PCDH15: variants seen among roughly 807,000 people sequenced by gnomAD.
PCDH15 encodes protocadherin-15.
In PCDH15, 129 loss-of-function variants were observed where a neutral mutation model predicts 178.5. That is an observed-to-expected ratio of 0.72 (90% CI 0.63 to 0.84). The LOEUF (loss-of-function observed/expected upper bound fraction) is 0.84. PCDH15 is among the 40% of genes least tolerant of loss of function. The pLI is 0.00. For synonymous variants in PCDH15, 800 were observed against 732.0 expected (o/e 1.09, Z -1.50); for missense variants, 2,230 against 2,099.9 (o/e 1.06, Z -1.21).
At chr10:55,287,654 A>G (rs1159541197) in intron 1 of PCDH15, among the ~76,000 whole-genome samples, 1 of 151,848 alleles carries the variant, frequency 6.6e-6, no homozygotes, top group Non-Finnish European at 1.5e-5. Context: ...GAAAATATTA[A>G]GTCAGCTTTT....
At chr10:55,594,020 C>T (rs1258865505) in intron 2 of PCDH15, among the ~76,000 whole-genome samples, 1 of 151,678 alleles carries the variant, frequency 6.6e-6, no homozygotes, top group Non-Finnish European at 1.5e-5. Context: ...GTGCTTGTGT[C>T]CTAAACTGAA....
chr10:54,062,227 C>CAAAAAAAAAAAAAAAA (rs72361686), intron 18 of PCDH15, among the ~76,000 whole-genome samples: 31 of 53,804 alleles, frequency 5.8e-4, no homozygotes, highest in Admixed American at 9.7e-4. Flanking sequence ...GATTCTGTCT[C>CAAAAAAAAAAAAAAAA]AAAAAAAAAA....
At chr10:54,538,075 T>C (rs1377140854) in intron 2 of PCDH15, among the ~76,000 whole-genome samples, 2 of 152,238 alleles carry the variant, frequency 1.3e-5, no homozygotes, top group African/African-American at 2.4e-5. Context: ...GTATTTTTAC[T>C]CTGTTAATAG....
At chr10:53,972,542 G>A (rs1299061533) in intron 21 of PCDH15, among the ~76,000 whole-genome samples, 3 of 152,142 alleles carry the variant, frequency 2.0e-5, no homozygotes, top group African/African-American at 7.2e-5. Flanking sequence ...CTACCCATCT[G>A]ACAAAAGGGC....
intron 2 of PCDH15, among the ~76,000 whole-genome samples, chr10:55,061,753 G>C (rs1271009412): frequency 6.6e-6 from 1 of 152,196 alleles, no homozygotes; most frequent in Non-Finnish European, 1.5e-5. Flanking sequence ...AGATGCGGTG[G>C]CTTACGCCTG....
At position 54,134,961 on chromosome 10, in the gene PCDH15, C is replaced by A. The variant is rs181643309; in HGVS notation, c.1785-1954G>T. On this transcript the variant is annotated intron_variant, in intron 14 of 37. Coordinates refer to ENST00000644397, the MANE Select transcript of PCDH15 (RefSeq NM_001384140.1). ...GTGGCTCATGCCTGTAATCTTAGCA[C>A]TTTTGGAGGCCAAGGTGAGCGATCA... 1.7e-3 allele frequency among the ~76,000 whole-genome samples: 258 copies of A among 151,544 alleles called. 1 individual carries two copies. The highest frequency in any genetic ancestry group is 3.0e-3 in the Non-Finnish European group (202 of 67,914).
intron 18 of PCDH15, among the ~76,000 whole-genome samples, chr10:54,048,342 C>T (rs2093697589): frequency 6.6e-6 from 1 of 152,078 alleles, no homozygotes; most frequent in East Asian, 1.9e-4. Context: ...TATTTTCTCC[C>T]ATTCTGTAGG....
rs558957617 is a variant in PCDH15 at position 54,432,094 on chromosome 10, T to G, written c.158-53152A>C. On this transcript the variant is annotated intron_variant, in intron 3 of 37. Transcript: ENST00000644397. ...ATACAAAGAATAAAATGGAAAGATA[T>G]TCCATGTTCATAGGTTGGAAGAATA... Among the ~76,000 whole-genome samples the G allele has an allele frequency of 2.0e-5, 3 of 152,096 alleles. No individual in the cohort carries two copies. In the South Asian group the frequency reaches 6.2e-4, roughly 31 times the overall value.
intron 2 of PCDH15, among the ~76,000 whole-genome samples, chr10:54,568,189 C>G (rs2089307020): frequency 1.3e-5 from 2 of 151,906 alleles, no homozygotes; most frequent in African/African-American, 4.8e-5. Context: ...AAGTACTTCC[C>G]CATGTTAGTA....
At chr10:53,944,143 G>C (rs1012973953) in intron 23 of PCDH15, among the ~76,000 whole-genome samples, 4 of 152,126 alleles carry the variant, frequency 2.6e-5, no homozygotes, top group Admixed American at 2.0e-4. Context: ...GAATGAGAGA[G>C]TATGTAACTA....
At chr10:54,861,665 C>T (rs560237655) in intron 3 of PCDH15, among the ~76,000 whole-genome samples, 8 of 152,288 alleles carry the variant, frequency 5.3e-5, no homozygotes, top group African/African-American at 1.9e-4. Context: ...TTTACCATTC[C>T]TATTGAACAT....
intron 28 of PCDH15, among the ~76,000 whole-genome samples, chr10:53,853,650 C>T (rs923031250): frequency 5.9e-5 from 9 of 151,888 alleles, no homozygotes; most frequent in African/African-American, 2.2e-4. Flanking sequence ...ATACAATGGC[C>T]AATAGCACCT....
At chr10:54,751,565 T>A (rs10763137) in intron 1 of PCDH15, among the ~76,000 whole-genome samples, 2 of 151,900 alleles carry the variant, frequency 1.3e-5, no homozygotes, top group Non-Finnish European at 2.9e-5. Context: ...TCTAGTTCAA[T>A]CATCTATGTT....
chr10:54,951,736 T>C (rs1057193064), intron 2 of PCDH15, among the ~76,000 whole-genome samples: 2 of 151,878 alleles, frequency 1.3e-5, no homozygotes, highest in African/African-American at 4.8e-5. Flanking sequence ...TATTATCTTT[T>C]GAATTTTACC....
intron 2 of PCDH15, among the ~76,000 whole-genome samples, chr10:54,650,323 C>T (rs181793772): frequency 9.9e-5 from 15 of 152,214 alleles, no homozygotes; most frequent in Non-Finnish European, 1.8e-4. Context: ...GAGAAAGCAA[C>T]TTGAGTTCCC....
intron 1 of PCDH15, among the ~76,000 whole-genome samples, chr10:54,676,586 C>A (rs901729201): frequency 6.6e-6 from 1 of 152,192 alleles, no homozygotes; most frequent in African/African-American, 2.4e-5. Context: ...TTATAATTTT[C>A]TTCCACTTTA....
At chr10:54,428,195 G>A (rs1211308527) in intron 3 of PCDH15, among the ~76,000 whole-genome samples, 2 of 152,086 alleles carry the variant, frequency 1.3e-5, no homozygotes, top group Admixed American at 1.3e-4. Flanking sequence ...AAACTAAAAT[G>A]AACTAACCTG....
chr10:55,072,105 G>A lies in PCDH15; in HGVS notation c.-80+94471C>T, dbSNP rs1247325311. On this transcript the variant is annotated intron_variant, in intron 2 of 5. Transcript: ENST00000458638. ...TGGAACACATTCAAAACAATGTGTAGAGGGAAATTTATAGCACTAAATGCC... is the reference window on the plus strand; with the variant it reads ...TGGAACACATTCAAAACAATGTGTAAAGGGAAATTTATAGCACTAAATGCC... Among the ~76,000 whole-genome samples, 3 of 151,964 alleles carry A rather than the reference G, an allele frequency of 2.0e-5. No individual in the cohort carries two copies. In the East Asian group the frequency reaches 5.8e-4, roughly 29 times the overall value.
chr10:54,883,257 T>C (rs1053008454), intron 3 of PCDH15, among the ~76,000 whole-genome samples: 3 of 152,062 alleles, frequency 2.0e-5, no homozygotes, highest in African/African-American at 7.2e-5. Flanking sequence ...AGCTTTTGGA[T>C]GGTTAAAATA....
Sources: allele counts gnomAD v4.1 joint callset (sites outside exome capture counted in the v4.1 genomes callset), GRCh38; gene constraint gnomAD v4.1.1; transcripts MANE v1.5; gene names NCBI Gene and HGNC (gene_info 2026-07-23, HGNC 2026-07-21).